The following LYSMD4 variants were observed in gnomAD, a reference collection of about 807,000 sequenced individuals.
LYSMD4 encodes LysM domain containing 4, also known as lysM and putative peptidoglycan-binding domain-containing protein 4.
LYSMD4 carries 9 observed loss-of-function variants against 6.1 expected under a neutral mutation model. That is an observed-to-expected ratio of 1.47 (90% CI 0.88 to 2.56). The LOEUF is 2.56. Ranked by LOEUF, LYSMD4 falls within the 30% of genes most tolerant of loss-of-function variation. LYSMD4 has a pLI of 0.00. For synonymous variants in LYSMD4, 143 were observed against 148.5 expected (o/e 0.96, Z 0.27); for missense variants, 384 against 373.5 (o/e 1.03, Z -0.23).
chr15:99,731,937 CG>C lies in LYSMD4; in HGVS notation c.62del (p.Pro21ArgfsTer93). 6.2e-7 allele frequency: 1 copy of C among 1,611,852 alleles called. No individual in the cohort carries two copies. Among genetic ancestry groups the C allele is most frequent in the Non-Finnish European group, 8.5e-7 (1 of 1,179,268 alleles). ...FQGPAVVCGT[P>X]TSHVYMFKNG... ...TCTTAAACATGTATACGTGGCTGGT[CG>C]GAGTCCCACACACAACAGCTGGGCC... On this transcript the variant is annotated frameshift_variant, in exon 2 of 3. Transcript: ENST00000684762. LOFTEE classifies it high-confidence loss of function.
chr15:99,729,935 T>C (rs1413026844), intron 2 of LYSMD4, among the ~76,000 whole-genome samples: 2 of 152,314 alleles, frequency 1.3e-5, no homozygotes, highest in African/African-American at 4.8e-5. Context: ...CCTCAATATA[T>C]AGTTTAGTAA....
At chr15:99,723,549 T>TCC (rs1229659978), downstream of LYSMD4, among the ~76,000 whole-genome samples, 1 of 152,152 alleles carries the variant, frequency 6.6e-6, no homozygotes. Flanking sequence ...GCCTTCCCTT[T>TCC]CCCCCAGAAA....
chr15:99,725,413 T>C (rs896339947), downstream of LYSMD4, among the ~76,000 whole-genome samples: 1 of 152,308 alleles, frequency 6.6e-6, no homozygotes, highest in African/African-American at 2.4e-5. Flanking sequence ...ATAGCATGGG[T>C]TCCCAAAGCT....
upstream of LYSMD4, among the ~76,000 whole-genome samples, chr15:99,719,846 A>C (rs975498284): frequency 6.6e-6 from 1 of 152,202 alleles, no homozygotes; most frequent in African/African-American, 2.4e-5. Context: ...CCTTGCCAAC[A>C]GAGTGCAGTC....
upstream of LYSMD4, among the ~76,000 whole-genome samples, chr15:99,721,235 G>A (rs115532458): frequency 8.4e-4 from 128 of 152,306 alleles, no homozygotes; most frequent in African/African-American, 2.8e-3. Context: ...GCGACCAGAA[G>A]ATCTGTAGAT....
At chr15:99,717,893 T>C (rs1156745936), upstream of LYSMD4, 1 of 152,240 alleles carries the variant, frequency 6.6e-6, no homozygotes, top group Admixed American at 6.5e-5. Flanking sequence ...ACTCTTAGTG[T>C]ATACACTTCA....
At position 99,728,910 on chromosome 15, in the gene LYSMD4, G is replaced by C; in HGVS notation, c.*213C>G. The C allele has an allele frequency of 1.6e-6, 1 of 629,746 alleles. No homozygotes were observed. The highest frequency in any genetic ancestry group is 2.7e-6 in the Non-Finnish European group (1 of 365,604). 39.0% of individuals were successfully genotyped at this position (629,746 alleles called of 1,614,324 possible). On this transcript the variant is annotated 3_prime_UTR_variant, in exon 3 of 3. Transcript: ENST00000684762. ...CTCTCTTGCTGCACCTCTCTGGATA[G>C]GGGCCGAGGTCGCTGCTGTTTTAGA...
rs779293716 is a variant in LYSMD4, at chr15:99,729,671, A to G, written c.343T>C (p.Ser115Pro). Residue 115 changes from serine (S) to proline (P), a missense_variant, in exon 3 of 3, where the codon TCT (serine) becomes CCT (proline). Physicochemically the swap from Ser to Pro is moderately conservative, Grantham distance 74. Coordinates refer to ENST00000684762, the MANE Select transcript of LYSMD4 (RefSeq NM_001284417.2). ...IREQDLYALK[S>P]VKIPVRNHGI... ...TGGTTTCTCACTGGAATCTTAACAG[A>G]TTTCAAAGCATATAAGTCTTGTTCT... The G allele has an allele frequency of 1.2e-6, 2 of 1,613,916 alleles. No homozygotes were observed. Among genetic ancestry groups the G allele is most frequent in the Admixed American group, 3.3e-5 (2 of 60,024 alleles).
Position 99,731,637 on chromosome 15 carries a change from G to A in LYSMD4, c.282+81C>T, listed in dbSNP as rs930429850. ...TGACGGCCTGGCAGGGTTAAGAAGGGCGGCAAGGGCACCCACCCTGCAGTG... is the reference window on the plus strand; with the variant it reads ...TGACGGCCTGGCAGGGTTAAGAAGGACGGCAAGGGCACCCACCCTGCAGTG... On this transcript the variant is annotated intron_variant, in intron 2 of 2. Transcript: ENST00000684762. 2.6e-6 allele frequency: 4 copies of A among 1,521,542 alleles called. No individual in the cohort carries two copies. In the Admixed American group the frequency reaches 6.5e-5, roughly 25 times the overall value. The allele number at this position is 1,521,542 out of a possible 1,614,324, so 94.3% of individuals were successfully genotyped here. A position where few individuals can be genotyped will look rare whatever the true frequency, so the allele number is the denominator to read the frequency against.
chr15:99,731,540 T>C lies in LYSMD4; in HGVS notation c.282+178A>G, dbSNP rs2059411735. 1.9e-6 allele frequency: 3 copies of C among 1,545,740 alleles called. No homozygotes were observed. In the African/African-American group the frequency reaches 4.2e-5, roughly 21 times the overall value. ...CTCTTTGGGGGCCAGGGTTGGGAAC[T>C]AAAGGTACTCCCACCTGCATTCCAA... is the stretch of plus-strand genomic sequence containing the variant. On this transcript the variant is annotated intron_variant, in intron 2 of 2. Coordinates refer to ENST00000684762, the MANE Select transcript of LYSMD4 (RefSeq NM_001284417.2).
chr15:99,729,041 C>CA lies in LYSMD4; in HGVS notation c.*81dup. On this transcript the variant is annotated 3_prime_UTR_variant, in exon 3 of 3. Transcript: ENST00000684762. ...ATCCTTCCCCGGAAGCAAAATGCAG[C>CA]ACCCCTAGGACATCGCCAGTGACAG... 1 of 1,549,920 alleles carries CA rather than the reference C, an allele frequency of 6.5e-7. No homozygotes were observed. Among genetic ancestry groups the CA allele is most frequent in the Non-Finnish European group, 8.7e-7 (1 of 1,144,680 alleles).
At chr15:99,718,226 G>GTGA (rs1221458342), upstream of LYSMD4, among the ~76,000 whole-genome samples, 1 of 152,186 alleles carries the variant, frequency 6.6e-6, no homozygotes, top group African/African-American at 2.4e-5. Flanking sequence ...TGTGTCTAAT[G>GTGA]TGATGATTGG....
upstream of LYSMD4, among the ~76,000 whole-genome samples, chr15:99,718,910 C>T (rs2059215886): frequency 9.6e-5 from 1 of 10,430 alleles, no homozygotes; most frequent in Middle Eastern, 0.028. Flanking sequence ...TAGTTATGCG[C>T]ACACACACAC....
upstream of LYSMD4, chr15:99,720,759 T>C (rs547101148): frequency 4.6e-5 from 7 of 152,324 alleles, no homozygotes; most frequent in African/African-American, 1.7e-4. Context: ...AGAAAATAGA[T>C]GGAATCTGAT....
At chr15:99,717,894 A>G (rs942926075), upstream of LYSMD4, 2 of 152,206 alleles carry the variant, frequency 1.3e-5, no homozygotes, top group African/African-American at 4.8e-5. Flanking sequence ...CTCTTAGTGT[A>G]TACACTTCAT....
At chr15:99,720,917 T>G (rs987893425), upstream of LYSMD4, 1 of 152,294 alleles carries the variant, frequency 6.6e-6, no homozygotes, top group African/African-American at 2.4e-5. Context: ...CTTCTGTAAC[T>G]GTCCCCTCTT....
At chr15:99,730,302 T>C (rs1299689681) in intron 2 of LYSMD4, among the ~76,000 whole-genome samples, 1 of 152,214 alleles carries the variant, frequency 6.6e-6, no homozygotes, top group African/African-American at 2.4e-5. Flanking sequence ...TGTAAACTTA[T>C]TAAATAAAAG....
In LYSMD4 at chr15:99,731,888, A is replaced by G. The variant is rs755812757; in HGVS notation, c.112T>C (p.Ser38Pro). Residue 38 changes from serine to proline, a missense_variant, in exon 2 of 3, where the codon TCT (serine) becomes CCT (proline). Physicochemically the swap from Ser to Pro is moderately conservative, Grantham distance 74. Coordinates refer to ENST00000684762, the MANE Select transcript of LYSMD4 (RefSeq NM_001284417.2). ...ACACGGTGAGACTCTTCTTCAGAAG[A>G]GTCCCCCGAGTCCCCACTGCCATTC... ...FKNGSGDSGD[S>P]SEEESHRVVL... 1.2e-6 allele frequency: 2 copies of G among 1,613,528 alleles called. No individual in the cohort carries two copies. Among genetic ancestry groups the G allele is most frequent in the Non-Finnish European group, 1.7e-6 (2 of 1,180,016 alleles).
exon 1 of LYSMD4, chr15:99,715,837 G>T (rs1425923914): frequency 1.3e-5 from 2 of 152,234 alleles, no homozygotes; most frequent in African/African-American, 4.8e-5. Flanking sequence ...AGTCACTGTT[G>T]TGTGTACACA....
Sources: allele counts gnomAD v4.1 joint callset (sites outside exome capture counted in the v4.1 genomes callset), GRCh38; gene constraint gnomAD v4.1.1; transcripts MANE v1.5; gene names NCBI Gene and HGNC (gene_info 2026-07-23, HGNC 2026-07-21).